Variants in NCR1 observed in about 807,000 individuals in gnomAD.
NCR1 encodes natural cytotoxicity triggering receptor 1, also known as NK cell-activating receptor.
NCR1 carries 30 observed loss-of-function variants against 32.5 expected under a neutral mutation model. The ratio of observed to expected loss-of-function variants is 0.92; its 90% CI spans 0.69 to 1.25. The LOEUF (loss-of-function observed/expected upper bound fraction) is 1.25. Among genes scored for constraint, NCR1 ranks in the 50% most tolerant of loss-of-function variants. NCR1 has a pLI of 0.00. For missense variants in NCR1, 369 were observed against 380.7 expected (o/e 0.97, Z 0.26); for synonymous variants, 169 against 143.4 (o/e 1.18, Z -1.28).
chr19:54,917,245 G>A (rs564015923), downstream of NCR1, among the ~76,000 whole-genome samples: 2 of 151,660 alleles, frequency 1.3e-5, no homozygotes, highest in African/African-American at 2.4e-5. Flanking sequence ...AACCCGGGAG[G>A]CAGAGGTTGC....
chr19:54,910,505 G>T (rs2067916085), intron 5 of NCR1, among the ~76,000 whole-genome samples: 1 of 152,116 alleles, frequency 6.6e-6, no homozygotes, highest in African/African-American at 2.4e-5. Context: ...GGATGCAGAG[G>T]TTGCAGTGAG....
At chr19:54,933,788 C>T in the NCR1 span, 3 of 1,493,968 alleles carry the variant, frequency 2.0e-6, no homozygotes, top group Middle Eastern at 1.7e-4. Flanking sequence ...ATTTCCACAA[C>T]TCCAACCTGC....
At chr19:54,921,059 A>G (rs1213860077), downstream of NCR1, among the ~76,000 whole-genome samples, 2 of 152,192 alleles carry the variant, frequency 1.3e-5, no homozygotes, top group Admixed American at 1.3e-4. Flanking sequence ...AGGGGAAAAA[A>G]ACTTCAATTA....
chr19:54,926,205 GGTGT>G, the NCR1 span, among the ~76,000 whole-genome samples: 27 of 143,628 alleles, frequency 1.9e-4, no homozygotes, highest in African/African-American at 4.7e-4. Context: ...AATGATTAGG[GGTGT>G]GTGTGTGTGT....
At chr19:54,930,631 C>A in the NCR1 span, 1 of 1,613,388 alleles carries the variant, frequency 6.2e-7, no homozygotes, top group Non-Finnish European at 8.5e-7. Context: ...TGAGAGATAT[C>A]TACAGCCAAG....
At chr19:54,935,475 C>T in the NCR1 span, among the ~76,000 whole-genome samples, 1 of 152,086 alleles carries the variant, frequency 6.6e-6, no homozygotes, top group Non-Finnish European at 1.5e-5. Flanking sequence ...ACAGGCGGAT[C>T]ACTTGAGGTC....
downstream of NCR1, among the ~76,000 whole-genome samples, chr19:54,915,443 C>T (rs187402230): frequency 1.4e-3 from 208 of 152,050 alleles, 1 homozygote; most frequent in Non-Finnish European, 1.3e-3. Context: ...CTGATTTTTC[C>T]ATTAAATAGC....
At chr19:54,899,433 T>C in the NCR1 span, among the ~76,000 whole-genome samples, 8,261 of 150,890 alleles carry the variant, frequency 0.055, 379 homozygotes, top group African/African-American at 0.12. Context: ...AGTAGAGACA[T>C]GGAGGGAAGG....
At chr19:54,908,923 G>A (rs2067790802) in intron 3 of NCR1, among the ~76,000 whole-genome samples, 1 of 151,424 alleles carries the variant, frequency 6.6e-6, no homozygotes, top group Non-Finnish European at 1.5e-5. Context: ...GGGAAACAGA[G>A]CAAGACCCTG....
chr19:54,907,983 T>C (rs2067721713), intron 3 of NCR1, among the ~76,000 whole-genome samples: 1 of 151,330 alleles, frequency 6.6e-6, no homozygotes, highest in Non-Finnish European at 1.5e-5. Flanking sequence ...CATTTATTCT[T>C]TTTTTTTTAA....
the NCR1 span, among the ~76,000 whole-genome samples, chr19:54,936,736 G>A: frequency 6.6e-6 from 1 of 152,094 alleles, no homozygotes; most frequent in African/African-American, 2.4e-5. Context: ...CCAACATGGG[G>A]AAGCCCCGTC....
At chr19:54,923,892 C>CAA in the NCR1 span, 8 of 1,609,398 alleles carry the variant, frequency 5.0e-6, no homozygotes, top group African/African-American at 1.1e-4. Context: ...TCAGAGAACA[C>CAA]AAATGTTCCC....
chr19:54,909,018 C>T (rs2067796990), intron 3 of NCR1, among the ~76,000 whole-genome samples: 1 of 145,694 alleles, frequency 6.9e-6, no homozygotes, highest in African/African-American at 2.5e-5. Flanking sequence ...AAAAAAAAAG[C>T]TGGCTGCCAG....
At position 54,906,552 on chromosome 19, in the gene NCR1, G is replaced by A. The variant is rs587627160; in HGVS notation, c.100G>A (p.Glu34Lys). 5.0e-6 allele frequency: 8 copies of A among 1,611,106 alleles called. No individual in the cohort carries two copies. The highest frequency in any genetic ancestry group is 2.2e-5 in the South Asian group (2 of 91,082). Residue 34 changes from glutamate to lysine, a missense_variant, in exon 3 of 7, where the codon GAG becomes AAG. Transcript: ENST00000291890. ...QTLPKPFIWAEPHFMVPKEKQ... is the reference protein window; with the variant it reads ...QTLPKPFIWAKPHFMVPKEKQ... ...TCTCCCAAAACCGTTCATCTGGGCCGAGCCCCATTTCATGGTTCCAAAGGA... is the reference window on the plus strand; with the variant it reads ...TCTCCCAAAACCGTTCATCTGGGCCAAGCCCCATTTCATGGTTCCAAAGGA...
At chr19:54,907,721 C>A (rs953922342) in intron 3 of NCR1, among the ~76,000 whole-genome samples, 3 of 151,772 alleles carry the variant, frequency 2.0e-5, no homozygotes, top group Non-Finnish European at 4.4e-5. Flanking sequence ...ACATTGTTGG[C>A]CAAAATGTCA....
At chr19:54,903,533 T>G (rs182901198), upstream of NCR1, among the ~76,000 whole-genome samples, 5 of 147,170 alleles carry the variant, frequency 3.4e-5, no homozygotes, top group African/African-American at 1.2e-4. Context: ...TATACATATA[T>G]ATGCATGTAT....
the NCR1 span, among the ~76,000 whole-genome samples, chr19:54,926,292 T>G: frequency 6.6e-6 from 1 of 152,042 alleles, no homozygotes; most frequent in South Asian, 2.1e-4. Context: ...ACTCTCAGTA[T>G]GCCTAGGACT....
In NCR1 at chr19:54,912,879, C is replaced by T. The variant is rs1338481538; in HGVS notation, c.*8C>T. ...AACACACAGACTCTTTGAAGAATGA[C>T]CATGAGACACAGTGGCCATGGGTGG... On this transcript the variant is annotated 3_prime_UTR_variant, in exon 7 of 7. Transcript: ENST00000291890. The T allele has an allele frequency of 9.3e-6, 15 of 1,610,752 alleles. No homozygotes were observed. Among genetic ancestry groups the T allele is most frequent in the Non-Finnish European group, 1.0e-5 (12 of 1,179,152 alleles).
At chr19:54,909,613 C>T (rs1043399392) in intron 4 of NCR1, 90 bp downstream of exon 4, 7 of 1,457,110 alleles carry the variant, frequency 4.8e-6, no homozygotes, top group Non-Finnish European at 6.4e-6. Flanking sequence ...GGAGGGTGTC[C>T]AAGGGACGTC....
Sources: allele counts gnomAD v4.1 joint callset (sites outside exome capture counted in the v4.1 genomes callset), GRCh38; gene constraint gnomAD v4.1.1; transcripts MANE v1.5; gene names NCBI Gene and HGNC (gene_info 2026-07-23, HGNC 2026-07-21).